The following SYT1 variants were observed in gnomAD, a reference collection of about 807,000 sequenced individuals.
SYT1 encodes the protein synaptotagmin-1.
SYT1 carries 8 observed loss-of-function variants against 44.8 expected under a neutral mutation model. The ratio of observed to expected loss-of-function variants is 0.18; its 90% confidence interval spans 0.10 to 0.32. The LOEUF (loss-of-function observed/expected upper bound fraction) is 0.32. Ranked by LOEUF, SYT1 falls within the 10% of genes least tolerant of loss-of-function variation. The probability of loss-of-function intolerance (pLI) is 1.00; values close to 1 mark genes in which losing one functional copy is unlikely to be tolerated. For synonymous variants in SYT1, 154 were observed against 188.8 expected, an observed-to-expected ratio of 0.82 and a Z score of 1.51; for missense variants, 286 against 509.3, an observed-to-expected ratio of 0.56 and a Z score of 4.22.
intron 3 of SYT1, among the ~76,000 whole-genome samples, chr12:79,111,855 T>C (rs1879030394): frequency 6.6e-6 from 1 of 152,090 alleles, no homozygotes; most frequent in Non-Finnish European, 1.5e-5. Context: ...TCCTGTCATG[T>C]ACCTAATTTC....
In SYT1 at chr12:79,301,405, G is replaced by A. The variant is rs545106368; in HGVS notation, c.810+1854G>A. ...TCCTCTTTCAGAAATCTTTGAGTAC[G>A]AGCAGAGTTTGAAACTTAACACCAG... On this transcript the variant is annotated intron_variant, in intron 8 of 10. Transcript: ENST00000261205. Among the ~76,000 whole-genome samples the A allele has an allele frequency of 1.4e-4, 21 of 152,220 alleles. 1 individual carries two copies. The South Asian group carries it at 3.7e-3, about 27-fold the overall frequency.
intron 1 of SYT1, among the ~76,000 whole-genome samples, chr12:78,931,203 GAAAGA>G (rs1877633674): frequency 2.6e-5 from 1 of 39,002 alleles, no homozygotes; most frequent in Admixed American, 3.3e-4. Context: ...AAGAAAGAAA[GAAAGA>G]AAGAAAGAAA....
intron 5 of SYT1, among the ~76,000 whole-genome samples, chr12:79,289,080 G>A (rs1449968417): frequency 1.3e-5 from 2 of 152,186 alleles, no homozygotes; most frequent in African/African-American, 4.8e-5. Flanking sequence ...AGTCCCTTGT[G>A]CTACTTTTCT....
At position 79,179,213 on chromosome 12, in the gene SYT1, T is replaced by C. The variant is rs1306551805; in HGVS notation, c.-17-38290T>C. Among the ~76,000 whole-genome samples, 4 of 58,358 alleles carry C rather than the reference T, an allele frequency of 6.9e-5. 2 individuals carry two copies. In the East Asian group the frequency reaches 1.6e-3, roughly 24 times the overall value. The allele number at this position is 58,358 out of a possible 152,430, so 38.3% of individuals were successfully genotyped here. On this transcript the variant is annotated intron_variant, in intron 3 of 10. Transcript: ENST00000261205. The stretch of plus-strand genomic sequence containing the variant: ...AGATATAGATATATAGATATAGATA[T>C]AGATATATAGATATAGATATAGATA...
intron 8 of SYT1, among the ~76,000 whole-genome samples, chr12:79,311,782 A>C (rs1204253369): frequency 6.8e-6 from 1 of 146,700 alleles, no homozygotes; most frequent in Non-Finnish European, 1.5e-5. Flanking sequence ...AAAAGCAAAC[A>C]CCGCATGTTC....
intron 2 of SYT1, among the ~76,000 whole-genome samples, chr12:79,007,712 G>A (rs925692167): frequency 1.3e-5 from 2 of 152,114 alleles, no homozygotes; most frequent in Non-Finnish European, 2.9e-5. Flanking sequence ...CCTGGGAGGT[G>A]TCAAGAAAAG....
At chr12:79,041,584 A>T (rs1873578181) in intron 2 of SYT1, among the ~76,000 whole-genome samples, 1 of 152,102 alleles carries the variant, frequency 6.6e-6, no homozygotes, top group South Asian at 2.1e-4. Context: ...GGACAGTTTG[A>T]CTTCTTATTT....
intron 4 of SYT1, among the ~76,000 whole-genome samples, chr12:79,237,346 T>C (rs1258342114): frequency 6.6e-6 from 1 of 152,018 alleles, no homozygotes; most frequent in African/African-American, 2.4e-5. Flanking sequence ...TTAAATAAAG[T>C]GGATATATGT....
At chr12:79,298,648 A>C (rs1183409532) in intron 7 of SYT1, among the ~76,000 whole-genome samples, 1 of 152,166 alleles carries the variant, frequency 6.6e-6, no homozygotes, top group Non-Finnish European at 1.5e-5. Flanking sequence ...ACTAATAAAC[A>C]TCCCAACCCA....
intron 3 of SYT1, among the ~76,000 whole-genome samples, chr12:79,104,155 A>AT (rs199824840): frequency 0.12 from 18,049 of 146,220 alleles, 1,141 homozygotes; most frequent in African/African-American, 0.16. Flanking sequence ...AATGGAGTCA[A>AT]TTTTTTTTTT....
chr12:79,443,127 T>C (rs557044461), intron 9 of SYT1, among the ~76,000 whole-genome samples: 9 of 152,262 alleles, frequency 5.9e-5, no homozygotes, highest in South Asian at 4.2e-4. Context: ...TAATGGGGCT[T>C]TAGGGAACCT....
At chr12:79,068,703 A>C (rs1402389629) in intron 3 of SYT1, among the ~76,000 whole-genome samples, 3 of 152,140 alleles carry the variant, frequency 2.0e-5, no homozygotes, top group Non-Finnish European at 2.9e-5. Context: ...TTGGTACAGA[A>C]AAGAGAAAAG....
At chr12:79,443,985 TG>T in intron 9 of SYT1, 87 bp from the exon 10 acceptor site, 1 of 1,354,382 alleles carries the variant, frequency 7.4e-7, no homozygotes, top group South Asian at 1.3e-5. Context: ...ATTATTTACC[TG>T]TGGGAAATAG....
At chr12:79,351,536 G>T (rs1410613512) in intron 8 of SYT1, among the ~76,000 whole-genome samples, 3 of 125,298 alleles carry the variant, frequency 2.4e-5, no homozygotes, top group African/African-American at 8.8e-5. Flanking sequence ...AGAATTCTGC[G>T]AAAAAAAAAA....
intron 9 of SYT1, among the ~76,000 whole-genome samples, chr12:79,419,753 TTTCTCTCA>T (rs1177537546): frequency 6.6e-6 from 1 of 152,136 alleles, no homozygotes; most frequent in Non-Finnish European, 1.5e-5. Flanking sequence ...CTTTATCTCC[TTTCTCTCA>T]TTCTCTCCTC....
Position 79,320,190 on chromosome 12 carries a change from C to G in SYT1, c.810+20639C>G, listed in dbSNP as rs371585205. On this transcript the variant is annotated intron_variant, in intron 8 of 10. Transcript: ENST00000261205. The stretch of plus-strand genomic sequence containing the variant: ...AAGCTACCAAAAAATGTATGATTCC[C>G]TAAAATGTACTGCGATGTGAACTGC... Among the ~76,000 whole-genome samples the G allele has an allele frequency of 2.0e-5, 3 of 152,248 alleles. No individual in the cohort carries two copies. The East Asian group carries it at 5.8e-4, about 29-fold the overall frequency.
intron 2 of SYT1, among the ~76,000 whole-genome samples, chr12:79,005,701 A>C (rs1029825219): frequency 3.9e-5 from 6 of 152,156 alleles, no homozygotes; most frequent in African/African-American, 1.4e-4. Context: ...AAAGAGAGGC[A>C]GTTAAACAAG....
At chr12:79,017,644 C>G (rs550776969) in intron 2 of SYT1, among the ~76,000 whole-genome samples, 3 of 151,946 alleles carry the variant, frequency 2.0e-5, no homozygotes, top group South Asian at 4.2e-4. Context: ...GAGTTGGGAG[C>G]CAATGTTGGA....
intron 3 of SYT1, among the ~76,000 whole-genome samples, chr12:79,189,694 A>G (rs1036662550): frequency 2.0e-5 from 3 of 152,142 alleles, no homozygotes; most frequent in African/African-American, 2.4e-5. Flanking sequence ...ACCTGAGGTC[A>G]AGAGTTTGAG....
Sources: gnomAD v4.1 joint callset for allele counts (sites outside exome capture counted in the v4.1 genomes callset) on GRCh38, gnomAD v4.1.1 for gene constraint, MANE v1.5 for transcripts, NCBI Gene and HGNC (gene_info 2026-07-23, HGNC 2026-07-21) for gene names.